ERCC6: variants seen among roughly 807,000 people sequenced by gnomAD.
The protein encoded by ERCC6 is ERCC excision repair 6, chromatin remodeling factor.
ERCC6 carries 116 observed loss-of-function variants against 158.7 expected under a neutral mutation model. The observed-to-expected ratio is 0.73, with a 90% CI of 0.63 to 0.85. The LOEUF is 0.85. Among genes scored for constraint, ERCC6 ranks in the 40% least tolerant of loss-of-function variants. The pLI is 0.00. For missense variants in ERCC6, 1,698 were observed against 1,799.4 expected (o/e 0.94, Z 1.02); for synonymous variants, 678 against 659.3 (o/e 1.03, Z -0.43).
chr10:49,525,584 C>T (rs11817117), intron 4 of ERCC6, among the ~76,000 whole-genome samples: 4 of 152,142 alleles, frequency 2.6e-5, no homozygotes, highest in Non-Finnish European at 5.9e-5. Context: ...ACCAAAAGAC[C>T]TAAGGCTTAA....
chr10:49,492,367 T>A lies in ERCC6; in HGVS notation c.1821+750A>T, dbSNP rs184278633. On this transcript the variant is annotated intron_variant, in intron 8 of 20. Transcript: ENST00000355832. ...AGAGACTGCTGCTTCTCCCCAATAA[T>A]GTAACCTGCAAATTCACAGTGAAAC... is the stretch of plus-strand genomic sequence containing the variant. Among the ~76,000 whole-genome samples, 6 of 152,290 alleles carry A rather than the reference T, an allele frequency of 3.9e-5. No homozygotes were observed. In the East Asian group the frequency reaches 1.2e-3, roughly 29 times the overall value.
intron 1 of ERCC6, among the ~76,000 whole-genome samples, chr10:49,537,687 G>A (rs1037668277): frequency 6.6e-6 from 1 of 152,134 alleles, no homozygotes; most frequent in Non-Finnish European, 1.5e-5. Flanking sequence ...CGAAAGTAAA[G>A]TGAACGTCTT....
intron 1 of ERCC6, among the ~76,000 whole-genome samples, chr10:49,534,977 C>T (rs1431133937): frequency 2.0e-5 from 3 of 152,178 alleles, no homozygotes; most frequent in African/African-American, 4.8e-5. Context: ...GCCCGGGACA[C>T]GGACAAGAGG....
At position 49,526,155 on chromosome 10, in the gene ERCC6, A is replaced by ATCTATC. The variant is rs1837333855; in HGVS notation, c.653-1379_653-1378insGATAGA. ...TATATATATATATATATATATATATATATATATCTGGGTATGCTAAGCTTT... is the reference window on the plus strand; with the variant it reads ...TATATATATATATATATATATATATATCTATCTATATATCTGGGTATGCTAAGCTTT... On this transcript the variant is annotated intron_variant, in intron 4 of 20. Coordinates refer to ENST00000355832, the MANE Select transcript of ERCC6 (RefSeq NM_000124.4). Among the ~76,000 whole-genome samples the ATCTATC allele has an allele frequency of 2.9e-5, 3 of 104,014 alleles. No homozygotes were observed. The South Asian group carries it at 9.8e-4, about 34-fold the overall frequency. 68.2% of individuals were successfully genotyped at this position (104,014 alleles called of 152,430 possible).
intron 11 of ERCC6, among the ~76,000 whole-genome samples, chr10:49,477,704 C>G (rs907716067): frequency 6.6e-6 from 1 of 152,212 alleles, no homozygotes; most frequent in African/African-American, 2.4e-5. Flanking sequence ...CCTGACCACA[C>G]TGGCCTCCCT....
chr10:49,528,526 C>T lies in ERCC6; in HGVS notation c.544-1G>A, dbSNP rs901360414. The T allele has an allele frequency of 2.5e-6, 4 of 1,613,824 alleles. No individual in the cohort carries two copies. The highest frequency in any genetic ancestry group is 3.4e-6 in the Non-Finnish European group (4 of 1,179,990). On this transcript the variant is annotated splice_acceptor_variant, in intron 3 of 20. Coordinates refer to ENST00000355832, the MANE Select transcript of ERCC6 (RefSeq NM_000124.4). LOFTEE classifies it high-confidence loss of function. The stretch of plus-strand genomic sequence containing the variant: ...CAGTGATCTTTTTTAGCTGTTGTTC[C>T]TTGAATGGTAAATATAGAAGACAGA...
At chr10:49,526,091 TTA>T (rs1381192956) in intron 4 of ERCC6, among the ~76,000 whole-genome samples, 4 of 108,678 alleles carry the variant, frequency 3.7e-5, no homozygotes, top group African/African-American at 1.1e-4. Flanking sequence ...TTATTTATAT[TTA>T]TATATTTATA....
chr10:49,485,694 T>G (rs978580262), intron 8 of ERCC6, among the ~76,000 whole-genome samples: 13 of 152,200 alleles, frequency 8.5e-5, no homozygotes, highest in Non-Finnish European at 1.5e-4. Flanking sequence ...TTGCCAAAAC[T>G]TTATGCTGAT....
chr10:49,525,376 T>C (rs1014342638), intron 4 of ERCC6: 1 of 160,726 alleles, frequency 6.2e-6, no homozygotes, highest in African/African-American at 2.4e-5. Context: ...GAGCTACACG[T>C]GACTAATGGC....
chr10:49,486,670 G>A (rs978343613), intron 8 of ERCC6, among the ~76,000 whole-genome samples: 5 of 152,088 alleles, frequency 3.3e-5, no homozygotes, highest in South Asian at 2.1e-4. Flanking sequence ...TAAAAAGTTC[G>A]TTGCAAAAAT....
intron 18 of ERCC6, 126 bp from the exon 19 acceptor site, chr10:49,461,682 G>C: frequency 2.3e-6 from 2 of 874,682 alleles, no homozygotes; most frequent in Non-Finnish European, 3.6e-6. Flanking sequence ...GAAAACCCTA[G>C]AGAATCAATG....
At chr10:49,496,335 G>A (rs529419098) in intron 7 of ERCC6, among the ~76,000 whole-genome samples, 7 of 152,276 alleles carry the variant, frequency 4.6e-5, no homozygotes, top group African/African-American at 1.7e-4. Flanking sequence ...TTCTTCAAAT[G>A]ATCTCAATGC....
intron 2 of ERCC6, among the ~76,000 whole-genome samples, chr10:49,531,493 G>A (rs745881925): frequency 1.3e-4 from 20 of 152,130 alleles, no homozygotes; most frequent in Non-Finnish European, 2.8e-4. Context: ...TAAACAATGC[G>A]TATTACTGGC....
chr10:49,451,828 G>A (rs548435931), downstream of ERCC6, among the ~76,000 whole-genome samples: 200 of 152,098 alleles, frequency 1.3e-3, 1 homozygote, highest in Non-Finnish European at 2.6e-3. Flanking sequence ...TTATTTGATT[G>A]TTTGGTAGAA....
intron 10 of ERCC6, among the ~76,000 whole-genome samples, chr10:49,479,073 G>A (rs1357025620): frequency 6.6e-6 from 1 of 151,876 alleles, no homozygotes; most frequent in Non-Finnish European, 1.5e-5. Flanking sequence ...GTTCTGTAAT[G>A]GAGCACGGCC....
chr10:49,493,058 A>C, intron 8 of ERCC6, 59 bp downstream of exon 8: 13 of 1,584,058 alleles, frequency 8.2e-6, no homozygotes, highest in Non-Finnish European at 9.5e-6. Flanking sequence ...GAGAAAAACC[A>C]AATATGTAAA....
At chr10:49,511,099 T>A (rs1489979185) in intron 5 of ERCC6, among the ~76,000 whole-genome samples, 1 of 152,056 alleles carries the variant, frequency 6.6e-6, no homozygotes, top group Non-Finnish European at 1.5e-5. Context: ...GTGATTTAAG[T>A]CTGAGCTCCA....
chr10:49,472,758 G>T, intron 15 of ERCC6, 151 bp downstream of exon 15: 1 of 924,906 alleles, frequency 1.1e-6, no homozygotes, highest in Non-Finnish European at 1.6e-6. Flanking sequence ...TGACTCTGAA[G>T]GGTGTCTTCT....
At chr10:49,500,773 T>G in intron 6 of ERCC6, 77 bp from the exon 7 acceptor site, 2 of 1,503,344 alleles carry the variant, frequency 1.3e-6, no homozygotes, top group African/African-American at 2.7e-5. Context: ...AAAGTACTCA[T>G]GAATTAATCA....
Sources: allele counts gnomAD v4.1 joint callset (sites outside exome capture counted in the v4.1 genomes callset), GRCh38; gene constraint gnomAD v4.1.1; transcripts MANE v1.5; gene names NCBI Gene and HGNC (gene_info 2026-07-23, HGNC 2026-07-21).